The following DYM variants were observed in gnomAD, a reference collection of about 807,000 sequenced individuals.
DYM encodes the protein dyggve-Melchior-Clausen syndrome protein.
A neutral mutation model predicts 93.1 loss-of-function variants in DYM; 78 were observed. The observed-to-expected ratio is 0.84, with a 90% CI of 0.70 to 1.01. DYM has a LOEUF of 1.01. Among genes scored for constraint, DYM ranks in the 50% least tolerant of loss-of-function variants. DYM has a pLI of 0.00. For synonymous variants in DYM, 321 were observed against 319.7 expected (o/e 1.00, Z -0.04); for missense variants, 789 against 845.0 (o/e 0.93, Z 0.82).
intron 2 of DYM, among the ~76,000 whole-genome samples, chr18:49,426,235 C>T (rs1457979048): frequency 2.0e-5 from 3 of 152,012 alleles, no homozygotes; most frequent in African/African-American, 2.4e-5. Flanking sequence ...GATGAGTTCA[C>T]GTCCTCTGTA....
At chr18:49,233,923 G>A (rs1568069668) in intron 13 of DYM, among the ~76,000 whole-genome samples, 1 of 151,834 alleles carries the variant, frequency 6.6e-6, no homozygotes, top group Non-Finnish European at 1.5e-5. Flanking sequence ...TCAAGAGATC[G>A]AGACCATCCT....
chr18:49,186,784 C>T (rs994919158), intron 14 of DYM, among the ~76,000 whole-genome samples: 5 of 152,074 alleles, frequency 3.3e-5, no homozygotes, highest in Non-Finnish European at 5.9e-5. Flanking sequence ...CAAAAATGCA[C>T]GCATAATCCA....
intron 8 of DYM, among the ~76,000 whole-genome samples, chr18:49,330,875 C>T (rs2063258171): frequency 6.6e-6 from 1 of 152,186 alleles, no homozygotes; most frequent in Admixed American, 6.5e-5. Flanking sequence ...ACAAGTGTGA[C>T]TCAATTCATA....
At chr18:49,447,686 G>A (rs563236809) in intron 1 of DYM, among the ~76,000 whole-genome samples, 10 of 152,106 alleles carry the variant, frequency 6.6e-5, no homozygotes, top group Non-Finnish European at 1.2e-4. Context: ...ATGCGGTGTC[G>A]GCAACAGGAT....
At chr18:49,452,650 G>GACACGCACCAATCAGCACCCT (rs1600386582) in intron 1 of DYM, among the ~76,000 whole-genome samples, 12 of 139,922 alleles carry the variant, frequency 8.6e-5, no homozygotes, top group East Asian at 2.1e-4. Context: ...TCACTGCCGT[G>GACACGCACCAATCAGCACCCT]GGCTCCTGCG....
intron 11 of DYM, among the ~76,000 whole-genome samples, chr18:49,269,564 A>G (rs554196317): frequency 6.6e-6 from 1 of 152,350 alleles, no homozygotes; most frequent in East Asian, 1.9e-4. Flanking sequence ...GTCCGTCGAC[A>G]GACAAATGGA....
intron 15 of DYM, among the ~76,000 whole-genome samples, chr18:49,132,851 A>G (rs949078806): frequency 6.6e-6 from 1 of 152,182 alleles, no homozygotes; most frequent in Non-Finnish European, 1.5e-5. Flanking sequence ...ATAGATTTTG[A>G]AAAGGAATTA....
intron 2 of DYM, among the ~76,000 whole-genome samples, chr18:49,402,902 C>G (rs139075041): frequency 5.8e-4 from 88 of 152,280 alleles, no homozygotes; most frequent in African/African-American, 2.0e-3. Context: ...GTTCCAACTT[C>G]TTCATTAACT....
chr18:49,266,088 T>G (rs1283697474), intron 11 of DYM, among the ~76,000 whole-genome samples: 2 of 151,558 alleles, frequency 1.3e-5, no homozygotes, highest in Non-Finnish European at 2.9e-5. Context: ...TAAAACAGAG[T>G]GAGACTCTGT....
chr18:49,417,297 A>T (rs2073106175), intron 2 of DYM, among the ~76,000 whole-genome samples: 1 of 151,910 alleles, frequency 6.6e-6, no homozygotes, highest in African/African-American at 2.4e-5. Context: ...TACAAGCATA[A>T]GCCACCGAGC....
intron 8 of DYM, among the ~76,000 whole-genome samples, chr18:49,328,604 C>T (rs2063084545): frequency 6.6e-6 from 1 of 152,128 alleles, no homozygotes; most frequent in Non-Finnish European, 1.5e-5. Context: ...AATCAAACAA[C>T]CCCATCAAAA....
At chr18:49,289,119 T>C (rs974033206) in intron 8 of DYM, among the ~76,000 whole-genome samples, 1 of 152,070 alleles carries the variant, frequency 6.6e-6, no homozygotes, top group Non-Finnish European at 1.5e-5. Context: ...ATAAAGGTAG[T>C]GTGCCAGATC....
chr18:49,390,697 G>A (rs2069142598), intron 3 of DYM: 2 of 152,084 alleles, frequency 1.3e-5, no homozygotes. Flanking sequence ...AGTAGTGACG[G>A]GGTTTCACCA....
At chr18:49,291,279 A>G (rs1174401871) in intron 8 of DYM, among the ~76,000 whole-genome samples, 2 of 152,176 alleles carry the variant, frequency 1.3e-5, no homozygotes. Flanking sequence ...GATACTTTTT[A>G]TTTCTACTTT....
chr18:49,455,516 T>C (rs886608024), intron 1 of DYM, among the ~76,000 whole-genome samples: 2 of 152,196 alleles, frequency 1.3e-5, no homozygotes, highest in East Asian at 3.8e-4. Flanking sequence ...ATAAAGTATA[T>C]ATTAGTCCCA....
At chr18:49,324,050 G>A (rs955678096) in intron 8 of DYM, among the ~76,000 whole-genome samples, 13 of 142,690 alleles carry the variant, frequency 9.1e-5, no homozygotes, top group African/African-American at 1.6e-4. Flanking sequence ...CACGACAATC[G>A]CTTGAGCCTG....
chr18:49,340,311 T>C (rs1273990464), intron 6 of DYM, among the ~76,000 whole-genome samples: 1 of 152,118 alleles, frequency 6.6e-6, no homozygotes, highest in Non-Finnish European at 1.5e-5. Context: ...CAAGTAACTC[T>C]TAAAAACAGT....
intron 2 of DYM, among the ~76,000 whole-genome samples, chr18:49,405,243 G>A (rs962279645): frequency 6.6e-6 from 1 of 152,100 alleles, no homozygotes; most frequent in Admixed American, 6.6e-5. Context: ...ATGCTCGTTA[G>A]TTTAAATAGA....
At chr18:49,247,443 C>T (rs1322327369) in intron 13 of DYM, among the ~76,000 whole-genome samples, 1 of 152,128 alleles carries the variant, frequency 6.6e-6, no homozygotes, top group Non-Finnish European at 1.5e-5. Flanking sequence ...AGGTAAAAAT[C>T]TTACAACCTT....
Sources: allele counts gnomAD v4.1 joint callset (sites outside exome capture counted in the v4.1 genomes callset), GRCh38; gene constraint gnomAD v4.1.1; transcripts MANE v1.5; gene names NCBI Gene and HGNC (gene_info 2026-07-23, HGNC 2026-07-21).